The following GUCY2C variants were observed in gnomAD, a reference collection of about 807,000 sequenced individuals.
The protein encoded by GUCY2C is guanylyl cyclase C.
Under a neutral mutation model 131.1 loss-of-function variants are expected in GUCY2C, and 118 were observed. That is an observed-to-expected ratio of 0.90 (90% confidence interval 0.78 to 1.05). The LOEUF (loss-of-function observed/expected upper bound fraction) is 1.05, where lower values mean the gene tolerates loss of function less well. Ranked by LOEUF, GUCY2C falls within the 50% of genes least tolerant of loss-of-function variation. The pLI is 0.00. For synonymous variants in GUCY2C, 452 were observed against 457.8 expected (o/e 0.99, Z 0.16); for missense variants, 1,161 against 1,304.4 (o/e 0.89, Z 1.69).
At chr12:14,647,187 C>G (rs1947539661) in intron 15 of GUCY2C, among the ~76,000 whole-genome samples, 1 of 152,054 alleles carries the variant, frequency 6.6e-6, no homozygotes, top group Non-Finnish European at 1.5e-5. Flanking sequence ...TATTCTTAGC[C>G]CATGTGTTTT....
In GUCY2C at chr12:14,631,556, G is replaced by A. The variant is rs1395700480; in HGVS notation, c.2158-2819C>T. 5.9e-5 allele frequency among the ~76,000 whole-genome samples: 9 copies of A among 152,086 alleles called. No individual in the cohort carries two copies. The East Asian group carries it at 9.7e-4, about 16-fold the overall frequency. On this transcript the variant is annotated intron_variant, in intron 19 of 26. Transcript: ENST00000261170. ...TCATCCATGTCCCTACAAAGGACAC[G>A]AGCTCATCATTTTTTATGGCTGCAT...
chr12:14,670,301 C>T (rs188587302), intron 9 of GUCY2C, among the ~76,000 whole-genome samples: 1 of 152,290 alleles, frequency 6.6e-6, no homozygotes, highest in African/African-American at 2.4e-5. Flanking sequence ...TCAAGGGGCC[C>T]TGAAATAACT....
At chr12:14,680,579 A>T (rs1948329028) in intron 5 of GUCY2C, among the ~76,000 whole-genome samples, 1 of 152,224 alleles carries the variant, frequency 6.6e-6, no homozygotes, top group African/African-American at 2.4e-5. Flanking sequence ...AAATTCTCAC[A>T]ATGGATTCCT....
intron 14 of GUCY2C, 139 bp downstream of exon 14, chr12:14,651,820 G>A (rs1265250794): frequency 1.7e-6 from 1 of 586,654 alleles, no homozygotes; most frequent in Non-Finnish European, 3.1e-6. Flanking sequence ...TCTCTTGGTA[G>A]AATTTTCAAC....
At chr12:14,663,465 T>C (rs1200095805) in intron 10 of GUCY2C, among the ~76,000 whole-genome samples, 1 of 152,106 alleles carries the variant, frequency 6.6e-6, no homozygotes, top group African/African-American at 2.4e-5. Context: ...GTATTTTTAG[T>C]AGAGGTGGGG....
chr12:14,621,404 G>C (rs1004280299), intron 22 of GUCY2C, among the ~76,000 whole-genome samples, 188 bp from the exon 23 acceptor site: 2 of 152,150 alleles, frequency 1.3e-5, no homozygotes, highest in African/African-American at 2.4e-5. Flanking sequence ...TTATAGTCCA[G>C]TTAATGGGTG....
intron 25 of GUCY2C, among the ~76,000 whole-genome samples, chr12:14,616,233 G>GT (rs1205320848): frequency 6.6e-6 from 1 of 152,120 alleles, no homozygotes; most frequent in African/African-American, 2.4e-5. Flanking sequence ...CTTCCGAATA[G>GT]TAAAGCAACT....
At position 14,648,246 on chromosome 12, in the gene GUCY2C, C is replaced by T. The variant is rs535582798; in HGVS notation, c.1711-2931G>A. ...AAGTGATGGGATTACAGGCATGAGC[C>T]ACCGCACCTAGCCTCATCTTTAAAT... On this transcript the variant is annotated intron_variant, in intron 15 of 26. Coordinates refer to ENST00000261170, the MANE Select transcript of GUCY2C (RefSeq NM_004963.4). 6.0e-5 allele frequency among the ~76,000 whole-genome samples: 9 copies of T among 150,484 alleles called. No homozygotes were observed. The East Asian group carries it at 1.8e-3, about 30-fold the overall frequency.
chr12:14,653,069 T>A, intron 12 of GUCY2C, 55 bp from the exon 13 acceptor site: 1 of 1,291,228 alleles, frequency 7.7e-7, no homozygotes, highest in Non-Finnish European at 1.1e-6. Flanking sequence ...TCCTACTCAC[T>A]GCCTGTCAAA....
At chr12:14,630,760 C>G (rs1209954487) in intron 19 of GUCY2C, among the ~76,000 whole-genome samples, 2 of 152,044 alleles carry the variant, frequency 1.3e-5, no homozygotes, top group African/African-American at 4.8e-5. Context: ...GCTGAGTGAT[C>G]TAGTTTCGAC....
intron 15 of GUCY2C, among the ~76,000 whole-genome samples, chr12:14,649,387 T>C (rs989314427): frequency 6.6e-6 from 1 of 152,166 alleles, no homozygotes; most frequent in African/African-American, 2.4e-5. Flanking sequence ...TAACAGTAGT[T>C]CTCATTATCT....
chr12:14,651,531 T>G lies in GUCY2C; in HGVS notation c.1606-20A>C. On this transcript the variant is annotated intron_variant, in intron 14 of 26. Transcript: ENST00000261170. The stretch of plus-strand genomic sequence containing the variant: ...AAGCAACTAGAAGAACGTGTTTGTT[T>G]ACAAAGCAAATTAGGCAGAATGGGG... 7.3e-7 allele frequency: 1 copy of G among 1,375,282 alleles called. No individual in the cohort carries two copies. The highest frequency in any genetic ancestry group is 1.0e-6 in the Non-Finnish European group (1 of 966,468). The allele number at this position is 1,375,282 out of a possible 1,614,324, so 85.2% of individuals were successfully genotyped here.
rs1366467451 is a variant in GUCY2C at position 14,672,900 on chromosome 12, A to C, written c.1143T>G (p.Leu381=). ...TCTTGGTGTCCACAGAGGTATACAG[A>C]AGCACCATGGTACTGTCAACATCCC... is the stretch of plus-strand genomic sequence containing the variant. ...DWGDVDSTMV[L]LYTSVDTKKY... is the part of the protein sequence containing the mutation. The change falls in exon 9 of 27, where the codon CTT becomes CTG. Residue 381 remains leucine, a synonymous_variant. Transcript: ENST00000261170. The C allele has an allele frequency of 1.2e-6, 2 of 1,607,074 alleles. No individual in the cohort carries two copies. The highest frequency in any genetic ancestry group is 2.7e-5 in the African/African-American group (2 of 74,756).
intron 12 of GUCY2C, among the ~76,000 whole-genome samples, chr12:14,653,955 A>T (rs966758242): frequency 2.0e-5 from 3 of 152,214 alleles, no homozygotes; most frequent in Admixed American, 6.5e-5. Flanking sequence ...TTCTTGCCTA[A>T]TGCTCTTTTT....
At chr12:14,642,041 A>G (rs1049763841) in intron 17 of GUCY2C, among the ~76,000 whole-genome samples, 1 of 152,198 alleles carries the variant, frequency 6.6e-6, no homozygotes, top group Non-Finnish European at 1.5e-5. Flanking sequence ...ATTTACCAAA[A>G]GAAGATAAAG....
chr12:14,676,020 C>T (rs1704511202), intron 7 of GUCY2C, among the ~76,000 whole-genome samples: 2 of 152,206 alleles, frequency 1.3e-5, no homozygotes, highest in Admixed American at 1.3e-4. Context: ...AAAACTGTGA[C>T]ACCCCAGAGG....
intron 26 of GUCY2C, 47 bp downstream of exon 26, chr12:14,614,820 C>T (rs1327070853): frequency 3.3e-6 from 4 of 1,205,334 alleles, no homozygotes; most frequent in Non-Finnish European, 2.4e-6. Flanking sequence ...CTAACAAAGC[C>T]AAGATCTCTA....
intron 5 of GUCY2C, among the ~76,000 whole-genome samples, chr12:14,680,377 C>CTG: frequency 6.6e-6 from 1 of 152,220 alleles, no homozygotes; most frequent in Non-Finnish European, 1.5e-5. Context: ...TTTTTAGATG[C>CTG]TGTGCCATTA....
chr12:14,622,156 G>A lies in GUCY2C; in HGVS notation c.2450C>T (p.Pro817Leu), dbSNP rs779289759. ...GATTGTAACTTCCTCATATAGTTCC[G>A]GCTCCACAAAGCCTTTCTCCTTCAG... ...KSLKEKGFVE[P>L]ELYEEVTIYF... Residue 817 changes from proline (P) to leucine (L), a missense_variant, in exon 22 of 27, where the codon CCG becomes CTG. By Grantham distance (98) the Pro-to-Leu change is moderately conservative (BLOSUM62 -3). Transcript: ENST00000261170. The A allele has an allele frequency of 3.1e-6, 5 of 1,587,850 alleles. No homozygotes were observed. The highest frequency in any genetic ancestry group is 3.4e-6 in the Non-Finnish European group (4 of 1,169,610).
Sources: gnomAD v4.1 joint callset for allele counts (sites outside exome capture counted in the v4.1 genomes callset) on GRCh38, gnomAD v4.1.1 for gene constraint, MANE v1.5 for transcripts, NCBI Gene and HGNC (gene_info 2026-07-23, HGNC 2026-07-21) for gene names.